RRM2B: variants seen among roughly 807,000 people sequenced by gnomAD.
RRM2B encodes the protein ribonucleoside-diphosphate reductase subunit M2 B.
Under a neutral mutation model 45.9 loss-of-function variants are expected in RRM2B, and 20 were observed. That is an observed-to-expected ratio of 0.44 (90% CI 0.31 to 0.63). The LOEUF (loss-of-function observed/expected upper bound fraction) is 0.63. Ranked by LOEUF, RRM2B falls within the 30% of genes least tolerant of loss-of-function variation. The pLI is 0.09. For synonymous variants in RRM2B, 124 were observed against 132.3 expected, an observed-to-expected ratio of 0.94 and a Z score of 0.43; for missense variants, 320 against 414.7, an observed-to-expected ratio of 0.77 and a Z score of 1.98.
At chr8:102,216,379 A>G (rs1008346653) in intron 6 of RRM2B, among the ~76,000 whole-genome samples, 10 of 152,178 alleles carry the variant, frequency 6.6e-5, no homozygotes, top group Non-Finnish European at 7.4e-5. Flanking sequence ...CTGGAAGTGG[A>G]TTACATAAAA....
In RRM2B at chr8:102,208,106, T is replaced by A; in HGVS notation, c.*27A>T. On this transcript the variant is annotated 3_prime_UTR_variant, in exon 9 of 9. Coordinates refer to ENST00000251810, the MANE Select transcript of RRM2B (RefSeq NM_015713.5). ...AGACTACTATTTACCAATGACAAGT[T>A]TATAGAGTTTTAAAACGAGAGGTTT... is the stretch of plus-strand genomic sequence containing the variant. The A allele has an allele frequency of 6.3e-7, 1 of 1,594,116 alleles. No homozygotes were observed. Among genetic ancestry groups the A allele is most frequent in the Middle Eastern group, 1.7e-4 (1 of 6,012 alleles).
At chr8:102,232,085 C>A (rs1811040091) in intron 2 of RRM2B, 64 bp downstream of exon 2, 1 of 1,411,698 alleles carries the variant, frequency 7.1e-7, no homozygotes, top group Non-Finnish European at 1.0e-6. Flanking sequence ...ATTCAATATC[C>A]TGTAAAACAA....
rs1286812390 is a variant in RRM2B, at chr8:102,205,478, G to A, written c.*2655C>T. 6.6e-6 allele frequency: 1 copy of A among 152,064 alleles called. No individual in the cohort carries two copies. The highest frequency in any genetic ancestry group is 1.5e-5 in the Non-Finnish European group (1 of 67,968). 9.4% of individuals were successfully genotyped at this position (152,064 alleles called of 1,614,324 possible). A position where few individuals can be genotyped will look rare whatever the true frequency, so the allele number is the denominator to read the frequency against. On this transcript the variant is annotated 3_prime_UTR_variant, in exon 9 of 9. Transcript: ENST00000251810. Reference sequence around the variant, plus strand: ...CTTAGTTGTAAGAAAAACTATTATTGTATATAATTGGACAGCAAAACCCAG... The same window carrying A: ...CTTAGTTGTAAGAAAAACTATTATTATATATAATTGGACAGCAAAACCCAG...
At chr8:102,235,078 T>C (rs777717547) in intron 1 of RRM2B, among the ~76,000 whole-genome samples, 26 of 152,178 alleles carry the variant, frequency 1.7e-4, no homozygotes, top group Non-Finnish European at 3.2e-4. Context: ...TGGGAGCCAC[T>C]GAAGGTTTTT....
At chr8:102,230,847 A>G (rs886389083) in intron 2 of RRM2B, among the ~76,000 whole-genome samples, 1 of 152,226 alleles carries the variant, frequency 6.6e-6, no homozygotes, top group East Asian at 1.9e-4. Flanking sequence ...AATCCTCATA[A>G]CAACACAAAT....
chr8:102,238,511 A>C, intron 1 of RRM2B: 7 of 1,398,372 alleles, frequency 5.0e-6, no homozygotes, highest in East Asian at 3.2e-5. Context: ...AAAACAGGGA[A>C]GGAGGGTGGG....
At chr8:102,226,346 C>T (rs1810932110) in intron 2 of RRM2B, among the ~76,000 whole-genome samples, 1 of 148,478 alleles carries the variant, frequency 6.7e-6, no homozygotes, top group Non-Finnish European at 1.5e-5. Context: ...ATATATATAA[C>T]ATCATGTCAT....
chr8:102,227,153 C>T (rs1810945904), intron 2 of RRM2B, among the ~76,000 whole-genome samples: 1 of 151,224 alleles, frequency 6.6e-6, no homozygotes, highest in Non-Finnish European at 1.5e-5. Context: ...TGGCCAACAA[C>T]CCAGTTTTTT....
chr8:102,216,707 G>A (rs930268650), intron 6 of RRM2B, among the ~76,000 whole-genome samples: 2 of 151,980 alleles, frequency 1.3e-5, no homozygotes, highest in Non-Finnish European at 2.9e-5. Context: ...AAAGATAAAA[G>A]TAGGCAACTA....
chr8:102,212,720 G>T, intron 8 of RRM2B, 56 bp downstream of exon 8: 1 of 881,630 alleles, frequency 1.1e-6, no homozygotes, highest in Non-Finnish European at 1.9e-6. Context: ...ATACTTTAGG[G>T]TCCTTGCTTT....
In RRM2B at chr8:102,223,648, ATCACGCCACCACAC is replaced by A. The variant is rs1372265688; in HGVS notation, c.550+384_550+397del. ...AAGGCAGCAGTTGCAGTGAGCCAGGATCACGCCACCACACTCCAGCCTAGGTGACAGAGCGAGAC... is the reference window on the plus strand; with the variant it reads ...AAGGCAGCAGTTGCAGTGAGCCAGGATCCAGCCTAGGTGACAGAGCGAGAC... On this transcript the variant is annotated intron_variant, in intron 5 of 8. Coordinates refer to ENST00000251810, the MANE Select transcript of RRM2B (RefSeq NM_015713.5). Among the ~76,000 whole-genome samples the A allele has an allele frequency of 4.7e-5, 7 of 149,946 alleles. No homozygotes were observed. In the East Asian group the frequency reaches 1.2e-3, roughly 25 times the overall value.
Position 102,204,806 on chromosome 8 carries a change from A to G in RRM2B, c.*3327T>C, listed in dbSNP as rs1275329674. 2 of 152,238 alleles carry G rather than the reference A, an allele frequency of 1.3e-5. No individual in the cohort carries two copies. The highest frequency in any genetic ancestry group is 2.9e-5 in the Non-Finnish European group (2 of 68,022). 9.4% of individuals were successfully genotyped at this position (152,238 alleles called of 1,614,324 possible). On this transcript the variant is annotated 3_prime_UTR_variant, in exon 9 of 9. Transcript: ENST00000251810. ...GCCAGACATTTGAAAAAATGAAAAC[A>G]CAGTTGTAAAACAAAGTATGTAAGA...
At position 102,226,524 on chromosome 8, in the gene RRM2B, T is replaced by C. The variant is rs569227137; in HGVS notation, c.205-490A>G. On this transcript the variant is annotated intron_variant, in intron 2 of 8. Transcript: ENST00000251810. ...AGGGCTAAAAGGGGAGGGGGGAGAG[T>C]AAAAACTAGTCAAGAAGGCACTGAA... 3.3e-5 allele frequency among the ~76,000 whole-genome samples: 5 copies of C among 150,658 alleles called. No individual in the cohort carries two copies. In the South Asian group the frequency reaches 1.1e-3, roughly 32 times the overall value.
chr8:102,224,437 G>A (rs1232935101), intron 4 of RRM2B, among the ~76,000 whole-genome samples: 2 of 152,050 alleles, frequency 1.3e-5, no homozygotes, highest in Non-Finnish European at 2.9e-5. Flanking sequence ...GCCTCCCAAG[G>A]TGCTGGGATT....
chr8:102,204,608 T>C lies in RRM2B; in HGVS notation c.*3525A>G, dbSNP rs543834234. The C allele has an allele frequency of 2.6e-5, 4 of 151,926 alleles. No homozygotes were observed. In the East Asian group the frequency reaches 7.7e-4, roughly 29 times the overall value. The allele number at this position is 151,926 out of a possible 1,614,324, so 9.4% of individuals were successfully genotyped here. A position where few individuals can be genotyped will look rare whatever the true frequency, so the allele number is the denominator to read the frequency against. On this transcript the variant is annotated 3_prime_UTR_variant, in exon 9 of 9. Coordinates refer to ENST00000251810, the MANE Select transcript of RRM2B (RefSeq NM_015713.5). ...GAAGATACCATAGTTTATTTCAACA[T>C]ACTAAGCCAAAAAAATAAGAAAACA...
At chr8:102,235,712 G>C (rs1453371956) in intron 1 of RRM2B, among the ~76,000 whole-genome samples, 1 of 152,140 alleles carries the variant, frequency 6.6e-6, no homozygotes, top group Non-Finnish European at 1.5e-5. Context: ...GGTGGCGTAC[G>C]CCTGTACTCC....
rs1232401120 is a variant in RRM2B, at chr8:102,204,809, G to A, written c.*3324C>T. ...AGACATTTGAAAAAATGAAAACACAGTTGTAAAACAAAGTATGTAAGAATA... is the reference window on the plus strand; with the variant it reads ...AGACATTTGAAAAAATGAAAACACAATTGTAAAACAAAGTATGTAAGAATA... On this transcript the variant is annotated 3_prime_UTR_variant, in exon 9 of 9. Coordinates refer to ENST00000251810, the MANE Select transcript of RRM2B (RefSeq NM_015713.5). 1.3e-5 allele frequency: 2 copies of A among 152,080 alleles called. No individual in the cohort carries two copies. The highest frequency in any genetic ancestry group is 2.9e-5 in the Non-Finnish European group (2 of 67,984). 9.4% of individuals were successfully genotyped at this position (152,080 alleles called of 1,614,324 possible).
chr8:102,223,236 TG>T (rs1420088688), intron 5 of RRM2B, among the ~76,000 whole-genome samples: 1 of 152,224 alleles, frequency 6.6e-6, no homozygotes, highest in Non-Finnish European at 1.5e-5. Flanking sequence ...AAAAATGCTA[TG>T]GGATCTCAAC....
chr8:102,232,376 T>C, intron 1 of RRM2B, 72 bp from the exon 2 acceptor site: 1 of 1,474,122 alleles, frequency 6.8e-7, no homozygotes, highest in African/African-American at 1.4e-5. Context: ...AACATACATC[T>C]AAGGAAGTCA....
Sources: gnomAD v4.1 joint callset for allele counts (sites outside exome capture counted in the v4.1 genomes callset) on GRCh38, gnomAD v4.1.1 for gene constraint, MANE v1.5 for transcripts, NCBI Gene and HGNC (gene_info 2026-07-23, HGNC 2026-07-21) for gene names.